Variants in WWOX observed in about 807,000 individuals in gnomAD.
WWOX encodes the protein WW domain containing oxidoreductase, also known as WW domain-containing oxidoreductase.
Under a neutral mutation model 46.2 loss-of-function variants are expected in WWOX, and 69 were observed. The observed-to-expected ratio is 1.49, with a 90% CI of 1.23 to 1.82. The LOEUF (loss-of-function observed/expected upper bound fraction) is 1.82. Among genes scored for constraint, WWOX ranks in the 40% most tolerant of loss-of-function variants. WWOX has a pLI of 0.00. For synonymous variants in WWOX, 359 were observed against 202.6 expected, an observed-to-expected ratio of 1.77 and a Z score of -6.56; for missense variants, 919 against 542.6, an observed-to-expected ratio of 1.69 and a Z score of -6.89.
intron 8 of WWOX, among the ~76,000 whole-genome samples, chr16:79,091,250 CTAAG>C (rs1368229390): frequency 6.6e-6 from 1 of 152,122 alleles, no homozygotes; most frequent in African/African-American, 2.4e-5. Flanking sequence ...AAACAAAAAA[CTAAG>C]TAGTAGTTGG....
intron 8 of WWOX, among the ~76,000 whole-genome samples, chr16:78,702,007 T>TA (rs2048227476): frequency 1.7e-5 from 1 of 57,628 alleles, no homozygotes; most frequent in Non-Finnish European, 3.1e-5. Flanking sequence ...CTACATAAAA[T>TA]TATATATATA....
intron 6 of WWOX, among the ~76,000 whole-genome samples, chr16:78,404,424 G>A (rs928725180): frequency 7.9e-5 from 12 of 152,080 alleles, no homozygotes; most frequent in East Asian, 3.9e-4. Flanking sequence ...CATTTTGGGC[G>A]TGAGAAGCTG....
intron 7 of WWOX, among the ~76,000 whole-genome samples, chr16:78,429,190 T>A (rs1010882921): frequency 9.9e-5 from 15 of 152,160 alleles, no homozygotes; most frequent in African/African-American, 3.6e-4. Flanking sequence ...ATCAATTGAC[T>A]TACAGTCTGG....
chr16:78,128,760 A>G (rs1567587677), intron 4 of WWOX, among the ~76,000 whole-genome samples: 1 of 151,826 alleles, frequency 6.6e-6, no homozygotes, highest in Admixed American at 6.5e-5. Context: ...AACTCTCAAA[A>G]CTTTTTGTAT....
chr16:78,916,529 A>G (rs1030977725), intron 8 of WWOX, among the ~76,000 whole-genome samples: 1 of 152,198 alleles, frequency 6.6e-6, no homozygotes, highest in Non-Finnish European at 1.5e-5. Flanking sequence ...GTGACCTTAT[A>G]ATTTACCATC....
At chr16:78,627,542 G>T (rs1260358372) in intron 8 of WWOX, among the ~76,000 whole-genome samples, 6 of 152,196 alleles carry the variant, frequency 3.9e-5, no homozygotes, top group African/African-American at 1.4e-4. Flanking sequence ...GAGAGTTCAG[G>T]TGTTCTGTTG....
intron 6 of WWOX, among the ~76,000 whole-genome samples, chr16:78,399,489 G>C (rs1295626529): frequency 2.0e-5 from 3 of 152,160 alleles, no homozygotes; most frequent in Non-Finnish European, 4.4e-5. Flanking sequence ...ATGGATCATG[G>C]GACTGAGCCA....
At chr16:78,174,314 C>T (rs1000927475) in intron 5 of WWOX, among the ~76,000 whole-genome samples, 4 of 152,254 alleles carry the variant, frequency 2.6e-5, no homozygotes, top group South Asian at 4.1e-4. Context: ...CTGATAAACC[C>T]ATCAGATCTC....
chr16:78,116,255 A>T (rs879866251), intron 4 of WWOX, among the ~76,000 whole-genome samples: 1 of 152,116 alleles, frequency 6.6e-6, no homozygotes, highest in Non-Finnish European at 1.5e-5. Flanking sequence ...CTTTCTTTCT[A>T]TCTTTTTTGT....
At chr16:79,211,427 G>A (rs1363106223) in intron 8 of WWOX, among the ~76,000 whole-genome samples, 181 bp from the exon 9 acceptor site, 1 of 152,150 alleles carries the variant, frequency 6.6e-6, no homozygotes, top group Non-Finnish European at 1.5e-5. Flanking sequence ...GTTTTTCCAG[G>A]ATAGTCACAT....
chr16:78,443,401 G>T (rs1418767341), intron 8 of WWOX, among the ~76,000 whole-genome samples: 1 of 152,126 alleles, frequency 6.6e-6, no homozygotes, highest in African/African-American at 2.4e-5. Flanking sequence ...GGCTTCCACA[G>T]TGCAGATTTT....
At chr16:79,095,954 A>T (rs1181190198) in intron 8 of WWOX, among the ~76,000 whole-genome samples, 1 of 120,382 alleles carries the variant, frequency 8.3e-6, no homozygotes, top group African/African-American at 3.3e-5. Context: ...GGTTCAAGTG[A>T]TTTTCCCACC....
chr16:79,066,401 G>C (rs540375607), intron 8 of WWOX, among the ~76,000 whole-genome samples: 1 of 152,174 alleles, frequency 6.6e-6, no homozygotes, highest in Non-Finnish European at 1.5e-5. Flanking sequence ...ATCTGCCTTC[G>C]TCACCATTTT....
chr16:79,129,183 A>G (rs79314300), intron 8 of WWOX, among the ~76,000 whole-genome samples: 4,315 of 152,000 alleles, frequency 0.028, 82 homozygotes, highest in Non-Finnish European at 0.045. Flanking sequence ...TTCATCAAGT[A>G]TCAAGACAAG....
intron 8 of WWOX, among the ~76,000 whole-genome samples, chr16:78,778,049 A>G (rs966935100): frequency 6.6e-6 from 1 of 151,612 alleles, no homozygotes; most frequent in African/African-American, 2.4e-5. Context: ...CATCTGAAAA[A>G]AAAAAAAAAA....
At chr16:78,897,082 GAAAA>G (rs200661293) in intron 8 of WWOX, 1 of 138,896 alleles carries the variant, frequency 7.2e-6, no homozygotes, top group Admixed American at 7.3e-5. Context: ...ACAAAAAAAA[GAAAA>G]AAAAAAAGAA....
At chr16:78,443,734 G>A (rs150604936) in intron 8 of WWOX, among the ~76,000 whole-genome samples, 146 of 152,206 alleles carry the variant, frequency 9.6e-4, no homozygotes, top group African/African-American at 3.3e-3. Context: ...CTGTGTGCCC[G>A]TTGGCATTTT....
chr16:78,406,361 TA>T (rs1567553517), intron 6 of WWOX, among the ~76,000 whole-genome samples: 11 of 122,112 alleles, frequency 9.0e-5, no homozygotes, highest in African/African-American at 3.6e-4. Context: ...TATATTTTAT[TA>T]TTTTTTTTTG....
chr16:78,682,035 T>A (rs1324201801), intron 8 of WWOX, among the ~76,000 whole-genome samples: 1 of 152,108 alleles, frequency 6.6e-6, no homozygotes, highest in Non-Finnish European at 1.5e-5. Context: ...TTGTAAAGAG[T>A]TGTTCTCCAT....
Sources: gnomAD v4.1 joint callset for allele counts (sites outside exome capture counted in the v4.1 genomes callset) on GRCh38, gnomAD v4.1.1 for gene constraint, MANE v1.5 for transcripts, NCBI Gene and HGNC (gene_info 2026-07-23, HGNC 2026-07-21) for gene names.